LEKR1: variants seen among roughly 807,000 people sequenced by gnomAD.
LEKR1 encodes the protein protein LEKR1.
In LEKR1, 59 loss-of-function variants were observed where a neutral mutation model predicts 72.4. That is an observed-to-expected ratio of 0.82 (90% CI 0.66 to 1.01). The LOEUF (loss-of-function observed/expected upper bound fraction) is 1.01. Ranked by LOEUF, LEKR1 falls within the 50% of genes least tolerant of loss-of-function variation. LEKR1 has a pLI of 0.00. For synonymous variants in LEKR1, 257 were observed against 263.2 expected, an observed-to-expected ratio of 0.98 and a Z score of 0.23; for missense variants, 728 against 759.2, an observed-to-expected ratio of 0.96 and a Z score of 0.48.
intron 12 of LEKR1, among the ~76,000 whole-genome samples, chr3:157,034,044 T>G (rs914491411): frequency 1.3e-4 from 14 of 104,942 alleles, no homozygotes; most frequent in African/African-American, 6.4e-5. Context: ...TGATACCTAC[T>G]GTTCAGAAAA....
chr3:156,855,552 C>T (rs1409242011), intron 3 of LEKR1, among the ~76,000 whole-genome samples: 1 of 152,062 alleles, frequency 6.6e-6, no homozygotes. Flanking sequence ...AATATTTTCT[C>T]ATGGTTGCTT....
At chr3:157,025,933 C>G (rs774942550) in intron 11 of LEKR1, among the ~76,000 whole-genome samples, 1 of 151,990 alleles carries the variant, frequency 6.6e-6, no homozygotes, top group Non-Finnish European at 1.5e-5. Flanking sequence ...AGTGTATACC[C>G]TGGCTACTTG....
intron 6 of LEKR1, among the ~76,000 whole-genome samples, chr3:156,966,518 G>C (rs1163335026): frequency 1.3e-5 from 2 of 152,222 alleles, no homozygotes; most frequent in South Asian, 4.1e-4. Context: ...CGCCCATGGA[G>C]CCTCGCTCAT....
chr3:156,977,367 G>A (rs554527828), intron 6 of LEKR1, among the ~76,000 whole-genome samples: 1 of 152,218 alleles, frequency 6.6e-6, no homozygotes, highest in African/African-American at 2.4e-5. Flanking sequence ...GAAGCCTATA[G>A]CATAGGAAAA....
At chr3:156,876,051 G>T (rs139470860) in intron 3 of LEKR1, among the ~76,000 whole-genome samples, 147 of 150,584 alleles carry the variant, frequency 9.8e-4, no homozygotes, top group African/African-American at 3.4e-3. Context: ...TCTACATGTG[G>T]CTTGCCAATT....
intron 6 of LEKR1, among the ~76,000 whole-genome samples, chr3:156,965,390 T>C (rs556104159): frequency 2.0e-5 from 3 of 152,148 alleles, no homozygotes; most frequent in South Asian, 4.1e-4. Context: ...CATGAACAAT[T>C]CTGAAGTGAA....
At position 156,898,170 on chromosome 3, in the gene LEKR1, A is replaced by G. The variant is rs370790676; in HGVS notation, c.264-22405A>G. ...AGATGCAAATTTTCCCCCACAAAGG[A>G]CAGCTTTGCAGGGCCATTTCAAGTT... On this transcript the variant is annotated intron_variant, in intron 3 of 12. Coordinates refer to ENST00000356539, the MANE Select transcript of LEKR1 (RefSeq NM_001004316.3). 7.2e-5 allele frequency among the ~76,000 whole-genome samples: 11 copies of G among 152,292 alleles called. No individual in the cohort carries two copies. In the East Asian group the frequency reaches 1.5e-3, roughly 21 times the overall value.
chr3:157,038,544 T>C (rs1735121932), intron 12 of LEKR1, among the ~76,000 whole-genome samples: 1 of 151,932 alleles, frequency 6.6e-6, no homozygotes, highest in Non-Finnish European at 1.5e-5. Context: ...AGAGCAAGGG[T>C]TGAGAACAGG....
In LEKR1 at chr3:156,830,670, T is replaced by A. The variant is rs886118788; in HGVS notation, c.48+1293T>A. On this transcript the variant is annotated intron_variant, in intron 2 of 12. Coordinates refer to ENST00000356539, the MANE Select transcript of LEKR1 (RefSeq NM_001004316.3). The stretch of plus-strand genomic sequence containing the variant: ...AAAGGCATACCTGTAGACTCTAATA[T>A]GATTCAAGAAAAAACAAAGTCATTC... Among the ~76,000 whole-genome samples, 4 of 152,186 alleles carry A rather than the reference T, an allele frequency of 2.6e-5. No individual in the cohort carries two copies. In the East Asian group the frequency reaches 7.7e-4, roughly 29 times the overall value.
At chr3:157,033,855 G>A (rs997624957) in intron 12 of LEKR1, among the ~76,000 whole-genome samples, 1 of 152,108 alleles carries the variant, frequency 6.6e-6, no homozygotes, top group Admixed American at 6.5e-5. Flanking sequence ...CTCTCATTAG[G>A]AGATAATGCA....
chr3:156,827,352 TC>T (rs1367935659), intron 1 of LEKR1, among the ~76,000 whole-genome samples: 2 of 152,226 alleles, frequency 1.3e-5, no homozygotes, highest in African/African-American at 2.4e-5. Context: ...GGTGCGTTAT[TC>T]CTAATTGTAA....
At chr3:156,872,369 A>T (rs912272125) in intron 3 of LEKR1, among the ~76,000 whole-genome samples, 15 of 151,806 alleles carry the variant, frequency 9.9e-5, no homozygotes, top group Non-Finnish European at 1.6e-4. Context: ...AATTTTGTTT[A>T]TCTTGTCAAA....
At chr3:156,938,821 A>G (rs1264677030) in intron 5 of LEKR1, among the ~76,000 whole-genome samples, 1 of 152,180 alleles carries the variant, frequency 6.6e-6, no homozygotes, top group Non-Finnish European at 1.5e-5. Context: ...TGCCTTGATA[A>G]TAAGGTTATA....
intron 3 of LEKR1, among the ~76,000 whole-genome samples, chr3:156,854,798 C>G (rs1715846670): frequency 6.6e-6 from 1 of 152,122 alleles, no homozygotes; most frequent in African/African-American, 2.4e-5. Flanking sequence ...AAGTAATCTG[C>G]CTGCCTTGGC....
chr3:156,970,868 T>A (rs888995066), intron 6 of LEKR1, among the ~76,000 whole-genome samples: 16 of 152,180 alleles, frequency 1.1e-4, no homozygotes, highest in Admixed American at 7.2e-4. Context: ...GAACATTCCA[T>A]GCTCATGGGT....
intron 3 of LEKR1, among the ~76,000 whole-genome samples, chr3:156,876,388 A>G (rs1463578499): frequency 1.3e-5 from 2 of 152,148 alleles, no homozygotes; most frequent in East Asian, 3.9e-4. Context: ...GTACTTTGAT[A>G]GAAATTGCTT....
intron 3 of LEKR1, among the ~76,000 whole-genome samples, chr3:156,856,668 C>T (rs1716098020): frequency 6.6e-6 from 1 of 151,940 alleles, no homozygotes; most frequent in South Asian, 2.1e-4. Context: ...TAGTTTAATC[C>T]TTGGACATAT....
chr3:156,829,691 C>T (rs1349541370), intron 2 of LEKR1, among the ~76,000 whole-genome samples: 1 of 152,194 alleles, frequency 6.6e-6, no homozygotes, highest in Non-Finnish European at 1.5e-5. Flanking sequence ...TTCTAAGCCT[C>T]TATTATGGTT....
chr3:156,914,024 A>T (rs1301483519), intron 3 of LEKR1, among the ~76,000 whole-genome samples: 1 of 152,100 alleles, frequency 6.6e-6, no homozygotes, highest in Admixed American at 6.6e-5. Flanking sequence ...GTGCTATTTT[A>T]TCTTTACTTA....
Sources: gnomAD v4.1 joint callset for allele counts (sites outside exome capture counted in the v4.1 genomes callset) on GRCh38, gnomAD v4.1.1 for gene constraint, MANE v1.5 for transcripts, NCBI Gene and HGNC (gene_info 2026-07-23, HGNC 2026-07-21) for gene names.